Variants in MEMO1 observed in about 807,000 individuals in gnomAD.
MEMO1 encodes the protein mediator of cell motility 1, also known as protein MEMO1.
MEMO1 carries 6 observed loss-of-function variants against 45.2 expected under a neutral mutation model. The ratio of observed to expected loss-of-function variants is 0.13; its 90% CI spans 0.07 to 0.26. The LOEUF is 0.26. Among genes scored for constraint, MEMO1 ranks in the 10% least tolerant of loss-of-function variants. MEMO1 has a pLI of 1.00. For missense variants in MEMO1, 184 were observed against 370.5 expected (o/e 0.50, Z 4.13); for synonymous variants, 78 against 124.3 (o/e 0.63, Z 2.48).
rs536017509 is a variant in MEMO1, at chr2:31,897,848, G to A, written c.438-5714C>T. ...TTCAGCTATGAATGCATCTGGTCCT[G>A]GGCTTTTTGGTTGGTAGGCTATTAA... On this transcript the variant is annotated intron_variant, in intron 6 of 9. Transcript: ENST00000404530. Among the ~76,000 whole-genome samples, 28 of 151,972 alleles carry A rather than the reference G, an allele frequency of 1.8e-4. No individual in the cohort carries two copies. The South Asian group carries it at 5.6e-3, about 30-fold the overall frequency.
intron 7 of MEMO1, among the ~76,000 whole-genome samples, chr2:31,885,247 G>C (rs1057509132): frequency 4.6e-5 from 7 of 152,112 alleles, no homozygotes; most frequent in Non-Finnish European, 8.8e-5. Context: ...AACCTCCCGA[G>C]TAGCTGGGAC....
intron 2 of MEMO1, among the ~76,000 whole-genome samples, chr2:31,945,756 T>C (rs1180368157): frequency 6.6e-6 from 1 of 152,208 alleles, no homozygotes; most frequent in African/African-American, 2.4e-5. Context: ...TAGTTCCAAG[T>C]TGTAAAATTA....
intron 2 of MEMO1, among the ~76,000 whole-genome samples, chr2:31,975,127 G>A (rs1192758523): frequency 4.6e-5 from 7 of 152,092 alleles, no homozygotes; most frequent in Non-Finnish European, 7.4e-5. Context: ...AGCCAAGATC[G>A]TGCCACTGCA....
At chr2:31,892,338 C>T (rs1001155315) in intron 6 of MEMO1, among the ~76,000 whole-genome samples, 20 of 151,944 alleles carry the variant, frequency 1.3e-4, no homozygotes, top group Non-Finnish European at 2.8e-4. Context: ...ATACAGAATA[C>T]TAAAAATATC....
rs1228201571 is a variant in MEMO1 at position 31,949,171 on chromosome 2, A to G, written c.62-5788T>C. On this transcript the variant is annotated intron_variant, in intron 2 of 9. Transcript: ENST00000404530. Reference sequence around the variant, plus strand: ...TTATACACTGTTGGTGGGAATCTAAATTAGTACAACCACTATGGAGAACAG... The same window carrying G: ...TTATACACTGTTGGTGGGAATCTAAGTTAGTACAACCACTATGGAGAACAG... Among the ~76,000 whole-genome samples the G allele has an allele frequency of 2.0e-5, 3 of 152,354 alleles. No homozygotes were observed. In the East Asian group the frequency reaches 5.8e-4, roughly 29 times the overall value.
intron 2 of MEMO1, among the ~76,000 whole-genome samples, chr2:31,962,334 G>T (rs1668102215): frequency 6.6e-6 from 1 of 152,094 alleles, no homozygotes; most frequent in Non-Finnish European, 1.5e-5. Context: ...AGGCTGCAGT[G>T]AGCCAAGATC....
chr2:31,891,912 A>T, intron 7 of MEMO1, 80 bp downstream of exon 7: 2 of 1,395,946 alleles, frequency 1.4e-6, no homozygotes, highest in Non-Finnish European at 1.9e-6. Context: ...AAAAACTGAA[A>T]ATCAGAGCTT....
intron 2 of MEMO1, among the ~76,000 whole-genome samples, chr2:31,998,513 A>G (rs1164549527): frequency 6.6e-6 from 1 of 151,804 alleles, no homozygotes; most frequent in African/African-American, 2.4e-5. Flanking sequence ...TTTAAAAATC[A>G]TTTATGGCTG....
At chr2:31,995,833 T>C (rs1001674900) in intron 2 of MEMO1, among the ~76,000 whole-genome samples, 3 of 152,078 alleles carry the variant, frequency 2.0e-5, no homozygotes, top group South Asian at 2.1e-4. Flanking sequence ...AGGTACATGA[T>C]AACAGCAGGA....
intron 7 of MEMO1, among the ~76,000 whole-genome samples, chr2:31,885,656 T>C (rs17011668): frequency 0.035 from 5,295 of 152,272 alleles, 203 homozygotes; most frequent in African/African-American, 0.089. Flanking sequence ...ATCAAGGTAG[T>C]ATACACCTCA....
chr2:31,933,281 C>CA (rs1272095475), intron 3 of MEMO1, among the ~76,000 whole-genome samples: 21 of 127,868 alleles, frequency 1.6e-4, no homozygotes, highest in African/African-American at 6.3e-4. Context: ...CACGCCCACA[C>CA]ACCAGCCTGG....
chr2:31,930,811 ATTTTTTTTTT>A (rs376524077), intron 4 of MEMO1, among the ~76,000 whole-genome samples: 2 of 126,096 alleles, frequency 1.6e-5, no homozygotes, highest in African/African-American at 6.2e-5. Flanking sequence ...ACGCCTGGCA[ATTTTTTTTTT>A]TTTTTTTTTT....
chr2:31,908,351 C>T (rs1240773178), intron 6 of MEMO1, among the ~76,000 whole-genome samples: 1 of 151,986 alleles, frequency 6.6e-6, no homozygotes, highest in Non-Finnish European at 1.5e-5. Context: ...CAGACTTCCT[C>T]CCATATGGTG....
intron 8 of MEMO1, among the ~76,000 whole-genome samples, chr2:31,877,086 T>C (rs745495368): frequency 1.3e-5 from 2 of 152,178 alleles, no homozygotes; most frequent in Non-Finnish European, 2.9e-5. Context: ...GTTTCACTTC[T>C]CACCACCCTC....
intron 2 of MEMO1, among the ~76,000 whole-genome samples, chr2:31,976,089 C>T (rs1001272762): frequency 6.6e-6 from 1 of 151,930 alleles, no homozygotes; most frequent in Non-Finnish European, 1.5e-5. Context: ...TAAATGTTTC[C>T]CCTGAGATTA....
chr2:31,965,412 G>T (rs1041410251), intron 2 of MEMO1, among the ~76,000 whole-genome samples: 4 of 151,998 alleles, frequency 2.6e-5, no homozygotes, highest in Admixed American at 2.0e-4. Flanking sequence ...GGGTACAGAT[G>T]AAACAAGTCA....
chr2:31,926,379 A>G (rs910248619), intron 4 of MEMO1, among the ~76,000 whole-genome samples: 20 of 143,460 alleles, frequency 1.4e-4, no homozygotes, highest in African/African-American at 5.2e-4. Flanking sequence ...CAAAAGGGAA[A>G]AAAAAAAAAA....
At chr2:31,917,113 T>G (rs1166924356) in intron 6 of MEMO1, among the ~76,000 whole-genome samples, 3 of 152,174 alleles carry the variant, frequency 2.0e-5, no homozygotes, top group Non-Finnish European at 4.4e-5. Context: ...TAATATTTAC[T>G]GAGAGCGTAC....
Position 31,982,482 on chromosome 2 carries a change from C to T in MEMO1, c.61+27705G>A, listed in dbSNP as rs566490784. 2.1e-4 allele frequency among the ~76,000 whole-genome samples: 32 copies of T among 149,148 alleles called. 1 individual carries two copies. The South Asian group carries it at 6.4e-3, about 30-fold the overall frequency. Reference sequence around the variant, plus strand: ...GTGAACGCCTGTAATCCCAGCTACTCGGGAGGCTGGGGCAGGAGAATCGTT... The same window carrying T: ...GTGAACGCCTGTAATCCCAGCTACTTGGGAGGCTGGGGCAGGAGAATCGTT... On this transcript the variant is annotated intron_variant, in intron 2 of 9. Transcript: ENST00000404530.
Sources: allele counts gnomAD v4.1 joint callset (sites outside exome capture counted in the v4.1 genomes callset), GRCh38; gene constraint gnomAD v4.1.1; transcripts MANE v1.5; gene names NCBI Gene and HGNC (gene_info 2026-07-23, HGNC 2026-07-21).